Variants in MMP21 observed in about 807,000 individuals in gnomAD.
MMP21 encodes the protein matrix metalloproteinase-21.
In MMP21, 40 loss-of-function variants were observed where a neutral mutation model predicts 47.8. The ratio of observed to expected loss-of-function variants is 0.84; its 90% confidence interval spans 0.65 to 1.09. The LOEUF (loss-of-function observed/expected upper bound fraction) is 1.09. MMP21 is among the 50% of genes least tolerant of loss of function. The pLI is 0.00. For missense variants in MMP21, 747 were observed against 775.3 expected, an observed-to-expected ratio of 0.96 and a Z score of 0.43; for synonymous variants, 341 against 318.0, an observed-to-expected ratio of 1.07 and a Z score of -0.77.
intron 5 of MMP21, among the ~76,000 whole-genome samples, chr10:125,768,483 G>T (rs1333755429): frequency 1.3e-5 from 2 of 152,160 alleles, no homozygotes; most frequent in South Asian, 2.1e-4. Context: ...TGGATATTTG[G>T]CATCTTGCCA....
intron 5 of MMP21, 100 bp from the exon 6 acceptor site, chr10:125,767,804 GTGT>G: frequency 8.2e-7 from 1 of 1,216,956 alleles, no homozygotes; most frequent in Non-Finnish European, 1.2e-6. Flanking sequence ...CCTGTACAAT[GTGT>G]TGCCATGATT....
chr10:125,774,807 TG>T (rs975065820), intron 1 of MMP21, among the ~76,000 whole-genome samples: 3 of 151,642 alleles, frequency 2.0e-5, no homozygotes, highest in African/African-American at 7.3e-5. Flanking sequence ...GCGGGGCAGG[TG>T]GGGGGTGCCA....
At position 125,767,634 on chromosome 10, in the gene MMP21, A is replaced by G. The variant is rs1850400703; in HGVS notation, c.1308T>C (p.Tyr436=). ...GAAATCCTTCTGAAATCAATTTGGG[A>G]TAGCTTTTTCCTTGTTCATCTTCTG... The part of the protein sequence containing the change: ...ALTEDEQGKS[Y]PKLISEGFPG... Residue 436 remains tyrosine, a synonymous_variant, in exon 6 of 7, where the codon TAT becomes TAC. Transcript: ENST00000368808. 3 of 1,613,956 alleles carry G rather than the reference A, an allele frequency of 1.9e-6. No individual in the cohort carries two copies. Among genetic ancestry groups the G allele is most frequent in the African/African-American group, 1.3e-5 (1 of 74,872 alleles).
At position 125,770,877 on chromosome 10, in the gene MMP21, C is replaced by T. The variant is rs374347958; in HGVS notation, c.980-286G>A. Reference sequence around the variant, plus strand: ...AAAAAAAAAAAAATACAAAAAGTAGCCGGGCATGGTGGCACGTGCCTGTGG... The same window carrying T: ...AAAAAAAAAAAAATACAAAAAGTAGTCGGGCATGGTGGCACGTGCCTGTGG... On this transcript the variant is annotated intron_variant, in intron 4 of 6. Transcript: ENST00000368808. Among the ~76,000 whole-genome samples the T allele has an allele frequency of 2.0e-5, 3 of 151,750 alleles. No individual in the cohort carries two copies. In the South Asian group the frequency reaches 6.3e-4, roughly 32 times the overall value.
chr10:125,770,754 C>T (rs983162302), intron 4 of MMP21, among the ~76,000 whole-genome samples, 163 bp from the exon 5 acceptor site: 2 of 151,822 alleles, frequency 1.3e-5, no homozygotes, highest in Admixed American at 1.3e-4. Context: ...GGTGCAGTGG[C>T]GCATGCCTGT....
chr10:125,774,828 G>C (rs968437570), intron 1 of MMP21, among the ~76,000 whole-genome samples: 1 of 152,192 alleles, frequency 6.6e-6, no homozygotes, highest in Admixed American at 6.5e-5. Context: ...AAGGAAGTCC[G>C]GGCGTGGCCA....
rs926328061 is a variant in MMP21, at chr10:125,766,585, G to T, written c.*77C>A. ...CAGTGCCATATTTTCTTCAGCTACT[G>T]AAAATCCGGTTTTCTTTGTAAACAG... On this transcript the variant is annotated 3_prime_UTR_variant, in exon 7 of 7. Transcript: ENST00000368808. 3.9e-5 allele frequency: 50 copies of T among 1,290,142 alleles called. No homozygotes were observed. The highest frequency in any genetic ancestry group is 4.9e-5 in the South Asian group (3 of 60,738). The allele number at this position is 1,290,142 out of a possible 1,614,324, so 79.9% of individuals were successfully genotyped here. A position where few individuals can be genotyped will look rare whatever the true frequency, so the allele number is the denominator to read the frequency against.
In MMP21 at chr10:125,772,831, C is replaced by T. The variant is rs1286881139; in HGVS notation, c.698-81G>A. 7 of 1,519,788 alleles carry T rather than the reference C, an allele frequency of 4.6e-6. No individual in the cohort carries two copies. In the African/African-American group the frequency reaches 8.2e-5, roughly 18 times the overall value. 94.1% of individuals were successfully genotyped at this position (1,519,788 alleles called of 1,614,324 possible). A position where few individuals can be genotyped will look rare whatever the true frequency, so the allele number is the denominator to read the frequency against. On this transcript the variant is annotated intron_variant, in intron 2 of 6. Transcript: ENST00000368808. The surrounding 1 kb of genome is among the most constrained non-coding windows in gnomAD (Gnocchi z 5.6). ...ACTCCTCACCTAGGGGGTCCCCAGCCTCCAGGAGCCGGCAGCAGAGGTAGA... is the reference window on the plus strand; with the variant it reads ...ACTCCTCACCTAGGGGGTCCCCAGCTTCCAGGAGCCGGCAGCAGAGGTAGA...
In MMP21 at chr10:125,772,440, G is replaced by A. The variant is rs1194362782; in HGVS notation, c.838-81C>T. The A allele has an allele frequency of 1.4e-5, 23 of 1,587,782 alleles. No individual in the cohort carries two copies. In the East Asian group the frequency reaches 2.5e-4, roughly 17 times the overall value. The stretch of plus-strand genomic sequence containing the variant: ...CATAACAGACGCAGGCCTGTGCTTC[G>A]AGAGGAGCGTTGCTTGTGAAGAGGG... On this transcript the variant is annotated intron_variant, in intron 3 of 6. Transcript: ENST00000368808. This position sits in a 1 kb window ranked among gnomAD's most constrained non-coding sequence, Gnocchi z 5.6.
At chr10:125,768,679 T>C (rs751414325) in intron 5 of MMP21, among the ~76,000 whole-genome samples, 3 of 152,230 alleles carry the variant, frequency 2.0e-5, no homozygotes, top group Non-Finnish European at 2.9e-5. Context: ...AAAATATTCA[T>C]AGCAAATTAA....
In MMP21 at chr10:125,772,429, G is replaced by A. The variant is rs1850458882; in HGVS notation, c.838-70C>T. Reference sequence around the variant, plus strand: ...ATGGATCCCTGCATAACAGACGCAGGCCTGTGCTTCGAGAGGAGCGTTGCT... The same window carrying A: ...ATGGATCCCTGCATAACAGACGCAGACCTGTGCTTCGAGAGGAGCGTTGCT... On this transcript the variant is annotated intron_variant, in intron 3 of 6. Coordinates refer to ENST00000368808, the MANE Select transcript of MMP21 (RefSeq NM_147191.1). This position sits in a 1 kb window ranked among gnomAD's most constrained non-coding sequence, Gnocchi z 5.6. 2 of 1,598,522 alleles carry A rather than the reference G, an allele frequency of 1.3e-6. No homozygotes were observed. The highest frequency in any genetic ancestry group is 1.7e-6 in the Non-Finnish European group (2 of 1,169,808).
rs1386077918 is a variant in MMP21 at position 125,773,075 on chromosome 10, G to A, written c.698-325C>T. ...ATCGGGGCCGGATCCTCGCCTCTGC[G>A]GAGGTCGTGAAATATTGAAAGCTGG... is the stretch of plus-strand genomic sequence containing the variant. On this transcript the variant is annotated intron_variant, in intron 2 of 6. Transcript: ENST00000368808. The surrounding 1 kb of genome is among the most constrained non-coding windows in gnomAD (Gnocchi z 4.8). 2.6e-5 allele frequency among the ~76,000 whole-genome samples: 4 copies of A among 152,342 alleles called. No individual in the cohort carries two copies. The highest frequency in any genetic ancestry group is 4.1e-4 in the South Asian group (2 of 4,828).
At position 125,766,723 on chromosome 10, in the gene MMP21, T is replaced by TGAAA; in HGVS notation, c.1648_1649insTTTC (p.Lys550IlefsTer10). 6.2e-7 allele frequency: 1 copy of TGAAA among 1,613,586 alleles called. No homozygotes were observed. The highest frequency in any genetic ancestry group is 8.5e-7 in the Non-Finnish European group (1 of 1,179,862). On this transcript the variant is annotated frameshift_variant, in exon 7 of 7. Coordinates refer to ENST00000368808, the MANE Select transcript of MMP21 (RefSeq NM_147191.1). LOFTEE classifies it high-confidence loss of function. Reference sequence around the variant, plus strand: ...ATCAAACCACTTCTCTGAAATAAACTTTTTTGGAAATAAGCCATTAGCAGG... The same window carrying TGAAA: ...ATCAAACCACTTCTCTGAAATAAACTGAAATTTTTGGAAATAAGCCATTAGCAGG...
Position 125,766,826 on chromosome 10 carries a change from T to C in MMP21, c.1546A>G (p.Asn516Asp), listed in dbSNP as rs1401909275. 9.3e-6 allele frequency: 15 copies of C among 1,613,924 alleles called. No homozygotes were observed. Among genetic ancestry groups the C allele is most frequent in the Non-Finnish European group, 1.3e-5 (15 of 1,179,974 alleles). The change falls in exon 7 of 7, where the codon AAC becomes GAC. Residue 516 changes from asparagine (N) to aspartate (D), a missense_variant. Transcript: ENST00000368808. ...TTGCCTTTGAAAAAGAAAATGGAGT[T>C]GTATGCATAGGAGTAATAAGCGGAA... ...IDSAYYSYAY[N>D]SIFFFKGNAY...
Position 125,774,172 on chromosome 10 carries a change from A to C in MMP21, c.356T>G (p.Val119Gly), listed in dbSNP as rs1251807420. ...GGGGGGCGGTGGGCGCATGTCCGGG[A>C]CCCCGCAGCGCGGCCGGTTCATGGC... ...LAAMNRPRCG[V>G]PDMRPPPPSA... Residue 119 changes from valine (V) to glycine (G), a missense_variant, in exon 2 of 7, where the codon GTC (valine) becomes GGC (glycine). By Grantham distance (109) the Val-to-Gly change is moderately radical. Transcript: ENST00000368808. 11 of 1,275,046 alleles carry C rather than the reference A, an allele frequency of 8.6e-6. No homozygotes were observed. Among genetic ancestry groups the C allele is most frequent in the Non-Finnish European group, 1.1e-5 (11 of 1,014,804 alleles). The allele number at this position is 1,275,046 out of a possible 1,614,324, so 79.0% of individuals were successfully genotyped here.
In MMP21 at chr10:125,774,180, G is replaced by C. The variant is rs958814727; in HGVS notation, c.348C>G (p.Arg116=). 3 of 1,276,192 alleles carry C rather than the reference G, an allele frequency of 2.4e-6. No homozygotes were observed. The African/African-American group carries it at 4.7e-5, about 20-fold the overall frequency. The allele number at this position is 1,276,192 out of a possible 1,614,324, so 79.1% of individuals were successfully genotyped here. ...GTGGGCGCATGTCCGGGACCCCGCA[G>C]CGCGGCCGGTTCATGGCCGCTAGGG... is the stretch of plus-strand genomic sequence containing the variant. ...AATLAAMNRP[R]CGVPDMRPPP... is the part of the protein sequence containing the mutation. Residue 116 remains arginine (R), a synonymous_variant, in exon 2 of 7, where the codon CGC becomes CGG. Transcript: ENST00000368808.
chr10:125,772,415 C>T lies in MMP21; in HGVS notation c.838-56G>A, dbSNP rs1391012125. ...GTGAAGCCTGGGCGATGGATCCCTG[C>T]ATAACAGACGCAGGCCTGTGCTTCG... On this transcript the variant is annotated intron_variant, in intron 3 of 6. Coordinates refer to ENST00000368808, the MANE Select transcript of MMP21 (RefSeq NM_147191.1). This position sits in a 1 kb window ranked among gnomAD's most constrained non-coding sequence, Gnocchi z 5.6. 1.9e-6 allele frequency: 3 copies of T among 1,607,718 alleles called. No homozygotes were observed. Among genetic ancestry groups the T allele is most frequent in the Non-Finnish European group, 2.6e-6 (3 of 1,176,212 alleles).
Position 125,772,817 on chromosome 10 carries a change from A to C in MMP21, c.698-67T>G, listed in dbSNP as rs1369516491. 3.8e-6 allele frequency: 6 copies of C among 1,569,640 alleles called. No individual in the cohort carries two copies. The highest frequency in any genetic ancestry group is 2.3e-4 in the Middle Eastern group (1 of 4,380). ...TGCCCCCCATACAGACTCCTCACCT[A>C]GGGGGTCCCCAGCCTCCAGGAGCCG... On this transcript the variant is annotated intron_variant, in intron 2 of 6. Coordinates refer to ENST00000368808, the MANE Select transcript of MMP21 (RefSeq NM_147191.1). The surrounding 1 kb of genome is among the most constrained non-coding windows in gnomAD (Gnocchi z 5.6).
chr10:125,772,466 G>C lies in MMP21; in HGVS notation c.838-107C>G. Reference sequence around the variant, plus strand: ...AGAGGAGCGTTGCTTGTGAAGAGGGGAGCACCGGTGGAACTGGGGAGCCAT... The same window carrying C: ...AGAGGAGCGTTGCTTGTGAAGAGGGCAGCACCGGTGGAACTGGGGAGCCAT... On this transcript the variant is annotated intron_variant, in intron 3 of 6. Transcript: ENST00000368808. This position sits in a 1 kb window ranked among gnomAD's most constrained non-coding sequence, Gnocchi z 5.6. The C allele has an allele frequency of 2.6e-6, 4 of 1,567,718 alleles. No homozygotes were observed. The Admixed American group carries it at 5.1e-5, about 20-fold the overall frequency.
Sources: gnomAD v4.1 joint callset for allele counts (sites outside exome capture counted in the v4.1 genomes callset) on GRCh38, gnomAD v4.1.1 for gene constraint, Gnocchi (gnomAD v3.1) non-coding constraint, MANE v1.5 for transcripts, NCBI Gene and HGNC (gene_info 2026-07-23, HGNC 2026-07-21) for gene names.